SUGCT: variants seen among roughly 807,000 people sequenced by gnomAD.
SUGCT encodes succinyl-CoA:glutarate-CoA transferase.
In SUGCT, 41 loss-of-function variants were observed where a neutral mutation model predicts 55.0. The observed-to-expected ratio is 0.74, with a 90% CI of 0.58 to 0.97. The LOEUF is 0.97. Among genes scored for constraint, SUGCT ranks in the 50% least tolerant of loss-of-function variants. The probability of loss-of-function intolerance (pLI) is 0.00; values close to 1 mark genes in which losing one functional copy is unlikely to be tolerated. For synonymous variants in SUGCT, 187 were observed against 200.4 expected (o/e 0.93, Z 0.56); for missense variants, 568 against 547.8 (o/e 1.04, Z -0.37).
chr7:40,359,118 T>C (rs1562711397), intron 9 of SUGCT, among the ~76,000 whole-genome samples: 1 of 152,240 alleles, frequency 6.6e-6, no homozygotes, highest in Non-Finnish European at 1.5e-5. Context: ...GCATTTCTTA[T>C]TCCAGCAGCA....
rs573446887 is a variant in SUGCT at position 40,713,592 on chromosome 7, A to G, written c.1090-35842A>G. On this transcript the variant is annotated intron_variant, in intron 12 of 13. Coordinates refer to ENST00000335693, the MANE Select transcript of SUGCT (RefSeq NM_001193313.2). Reference sequence around the variant, plus strand: ...ACTGCCTTGCAAGTCCTACCAAGGCATTCTAGAATCACAGCCACCTGTAAA... The same window carrying G: ...ACTGCCTTGCAAGTCCTACCAAGGCGTTCTAGAATCACAGCCACCTGTAAA... 3.6e-4 allele frequency among the ~76,000 whole-genome samples: 55 copies of G among 152,350 alleles called. 3 individuals are homozygous for G. In the South Asian group the frequency reaches 0.011, roughly 30 times the overall value.
Position 40,198,202 on chromosome 7 carries a change from G to A in SUGCT, c.484+3142G>A, listed in dbSNP as rs375546263. On this transcript the variant is annotated intron_variant, in intron 6 of 13. Transcript: ENST00000335693. ...TATTAGAATAACATCTATATACTCC[G>A]TTCTCCTTTATTTCCTGATAATGAA... Among the ~76,000 whole-genome samples, 186 of 152,164 alleles carry A rather than the reference G, an allele frequency of 1.2e-3. 1 individual carries two copies. The highest frequency in any genetic ancestry group is 4.2e-3 in the African/African-American group (173 of 41,508).
At chr7:40,674,551 A>C (rs895707267) in intron 12 of SUGCT, among the ~76,000 whole-genome samples, 6 of 152,356 alleles carry the variant, frequency 3.9e-5, no homozygotes, top group Non-Finnish European at 5.9e-5. Flanking sequence ...AGCAGGAAAG[A>C]ACCTGGACGG....
chr7:40,215,149 T>G (rs181044770), intron 6 of SUGCT, among the ~76,000 whole-genome samples: 4 of 152,134 alleles, frequency 2.6e-5, no homozygotes, highest in Admixed American at 6.5e-5. Context: ...AACACTTTTT[T>G]TTTGTTTGTT....
At chr7:40,874,743 A>T in the SUGCT span, among the ~76,000 whole-genome samples, 1 of 152,242 alleles carries the variant, frequency 6.6e-6, no homozygotes, top group Non-Finnish European at 1.5e-5. Context: ...AAGATGGTGC[A>T]GGAGCCTGAG....
chr7:40,476,316 C>T (rs1414866730), intron 11 of SUGCT, among the ~76,000 whole-genome samples: 1 of 152,076 alleles, frequency 6.6e-6, no homozygotes, highest in East Asian at 1.9e-4. Context: ...GTTTCCTGCC[C>T]CACAGTGCTT....
the SUGCT span, among the ~76,000 whole-genome samples, chr7:41,033,758 G>T: frequency 5.3e-5 from 8 of 152,096 alleles, no homozygotes; most frequent in South Asian, 2.1e-4. Flanking sequence ...TTTGACTCAG[G>T]GGGTTCCTGA....
chr7:40,496,183 G>A, intron 11 of SUGCT, 101 bp from the exon 12 acceptor site: 1 of 713,004 alleles, frequency 1.4e-6, no homozygotes, highest in Non-Finnish European at 2.4e-6. Context: ...AGGAAACATA[G>A]TTTTATGACT....
chr7:40,154,135 A>G (rs558064487), intron 1 of SUGCT: 17 of 220,698 alleles, frequency 7.7e-5, no homozygotes, highest in African/African-American at 1.4e-4. Context: ...TCAGAACAAG[A>G]TGGAGAAACA....
intron 6 of SUGCT, among the ~76,000 whole-genome samples, chr7:40,219,236 A>G (rs758807661): frequency 1.3e-5 from 2 of 152,134 alleles, no homozygotes; most frequent in African/African-American, 2.4e-5. Flanking sequence ...CGAATATCAG[A>G]AGGAACAAAC....
chr7:40,272,095 C>CTCTCTA (rs1554299494), intron 7 of SUGCT, among the ~76,000 whole-genome samples: 18 of 85,422 alleles, frequency 2.1e-4, no homozygotes, highest in African/African-American at 7.5e-4. Context: ...CTCTCTCTCT[C>CTCTCTA]TATATATATA....
chr7:40,589,060 T>G (rs892858102), intron 12 of SUGCT, among the ~76,000 whole-genome samples: 2 of 152,126 alleles, frequency 1.3e-5, no homozygotes, highest in Non-Finnish European at 2.9e-5. Context: ...ATAAAATTTT[T>G]TCTAAACTGA....
chr7:40,337,886 C>G (rs1362065759), intron 9 of SUGCT, among the ~76,000 whole-genome samples: 1 of 152,064 alleles, frequency 6.6e-6, no homozygotes, highest in Non-Finnish European at 1.5e-5. Flanking sequence ...GTGGCTGGTA[C>G]AGGTTGTTCC....
intron 8 of SUGCT, among the ~76,000 whole-genome samples, chr7:40,296,764 G>T (rs77845426): frequency 0.017 from 2,511 of 151,868 alleles, 58 homozygotes; most frequent in African/African-American, 0.058. Flanking sequence ...TTTCGTGTGT[G>T]TGTGAGTTTG....
intron 12 of SUGCT, among the ~76,000 whole-genome samples, chr7:40,603,577 G>T (rs1798392852): frequency 6.6e-6 from 1 of 152,126 alleles, no homozygotes; most frequent in Non-Finnish European, 1.5e-5. Flanking sequence ...AATCCCTTGA[G>T]ATTTTATTCT....
intron 12 of SUGCT, among the ~76,000 whole-genome samples, chr7:40,533,520 C>A (rs902310403): frequency 6.6e-6 from 1 of 151,966 alleles, no homozygotes; most frequent in Admixed American, 6.6e-5. Flanking sequence ...ATATTTTCCA[C>A]AATTGCAAAG....
At position 40,360,632 on chromosome 7, in the gene SUGCT, T is replaced by G. The variant is rs144479861; in HGVS notation, c.816+43777T>G. ...CACTCCTAACCCCGTTGTGGGAGAC[T>G]TGAGATTTCTTAGAAGAAGTAAAAT... On this transcript the variant is annotated intron_variant, in intron 9 of 13. Transcript: ENST00000335693. 3.9e-5 allele frequency among the ~76,000 whole-genome samples: 6 copies of G among 152,272 alleles called. No homozygotes were observed. In the East Asian group the frequency reaches 1.2e-3, roughly 30 times the overall value.
chr7:40,687,710 A>G (rs1784526313), intron 12 of SUGCT, among the ~76,000 whole-genome samples: 2 of 152,176 alleles, frequency 1.3e-5, no homozygotes, highest in Non-Finnish European at 2.9e-5. Flanking sequence ...AACAGATCTC[A>G]GTTCCTCAGT....
intron 12 of SUGCT, among the ~76,000 whole-genome samples, chr7:40,578,125 T>C (rs559408529): frequency 6.6e-6 from 1 of 152,264 alleles, no homozygotes; most frequent in East Asian, 1.9e-4. Flanking sequence ...TAACACAGAT[T>C]GCGGGGCCTC....
Sources: gnomAD v4.1 joint callset for allele counts (sites outside exome capture counted in the v4.1 genomes callset) on GRCh38, gnomAD v4.1.1 for gene constraint, MANE v1.5 for transcripts, NCBI Gene and HGNC (gene_info 2026-07-23, HGNC 2026-07-21) for gene names.